Variants in PICALM observed in about 807,000 individuals in gnomAD.
PICALM encodes the protein phosphatidylinositol binding clathrin assembly protein, also known as phosphatidylinositol-binding clathrin assembly protein.
A neutral mutation model predicts 80.5 loss-of-function variants in PICALM; 40 were observed. The observed-to-expected ratio is 0.50, with a 90% CI of 0.39 to 0.65. The LOEUF is 0.65. Ranked by LOEUF, PICALM falls within the 30% of genes least tolerant of loss-of-function variation. The probability of loss-of-function intolerance (pLI) is 0.00; values close to 1 mark genes in which losing one functional copy is unlikely to be tolerated. For synonymous variants in PICALM, 288 were observed against 260.3 expected, an observed-to-expected ratio of 1.11 and a Z score of -1.02; for missense variants, 676 against 778.9, an observed-to-expected ratio of 0.87 and a Z score of 1.57.
At chr11:85,976,572 T>C (rs1160102965) in intron 18 of PICALM, 51 bp downstream of exon 18, 1 of 1,073,842 alleles carries the variant, frequency 9.3e-7, no homozygotes, top group South Asian at 1.3e-5. Context: ...AAAAACATGT[T>C]ATATATGAAT....
chr11:86,000,631 T>C lies in PICALM; in HGVS notation c.1154+12A>G. 6.2e-7 allele frequency: 1 copy of C among 1,608,316 alleles called. No individual in the cohort carries two copies. The highest frequency in any genetic ancestry group is 1.1e-5 in the South Asian group (1 of 90,298). ...CTACATATTCAAAGGTAACCTTAAC[T>C]TCTACTCCTACCTGTTAGAAGAACT... On this transcript the variant is annotated intron_variant, in intron 11 of 19. Coordinates refer to ENST00000393346, the MANE Select transcript of PICALM (RefSeq NM_007166.4).
chr11:86,053,291 G>A (rs970116909), intron 1 of PICALM, among the ~76,000 whole-genome samples: 5 of 152,146 alleles, frequency 3.3e-5, no homozygotes, highest in Non-Finnish European at 5.9e-5. Flanking sequence ...AATCACAAGC[G>A]GCAAGCTGCT....
At chr11:86,060,372 T>C (rs536970323) in intron 1 of PICALM, among the ~76,000 whole-genome samples, 1 of 152,282 alleles carries the variant, frequency 6.6e-6, no homozygotes, top group African/African-American at 2.4e-5. Flanking sequence ...AACCCCACAA[T>C]TTAGAAGAGT....
At chr11:85,980,461 A>G (rs552223502) in intron 17 of PICALM, among the ~76,000 whole-genome samples, 2 of 152,310 alleles carry the variant, frequency 1.3e-5, no homozygotes, top group Admixed American at 1.3e-4. Flanking sequence ...ATATATGCAT[A>G]TATTTCCCCC....
At chr11:86,036,378 G>A (rs1178319035) in intron 1 of PICALM, among the ~76,000 whole-genome samples, 1 of 152,122 alleles carries the variant, frequency 6.6e-6, no homozygotes, top group African/African-American at 2.4e-5. Context: ...TAAAGTTCAT[G>A]GGGTCTTCTG....
At chr11:86,064,662 A>G (rs1764773862) in intron 1 of PICALM, among the ~76,000 whole-genome samples, 1 of 151,828 alleles carries the variant, frequency 6.6e-6, no homozygotes, top group Non-Finnish European at 1.5e-5. Context: ...AAAAAAAAAA[A>G]AAAAAAAGGA....
At chr11:86,011,158 T>TTA (rs775387900) in intron 6 of PICALM, 22 bp from the exon 7 acceptor site, 1 of 1,063,200 alleles carries the variant, frequency 9.4e-7, no homozygotes, top group South Asian at 1.4e-5. Flanking sequence ...AATGTAAAAA[T>TTA]TCTTTTGTTC....
chr11:86,040,952 G>C (rs958849574), intron 1 of PICALM, among the ~76,000 whole-genome samples: 4 of 152,110 alleles, frequency 2.6e-5, no homozygotes, highest in African/African-American at 9.7e-5. Flanking sequence ...ATACATTATG[G>C]TGATTGTAAT....
intron 1 of PICALM, among the ~76,000 whole-genome samples, chr11:86,067,406 C>T (rs965153823): frequency 1.3e-5 from 2 of 152,202 alleles, no homozygotes; most frequent in Non-Finnish European, 1.5e-5. Flanking sequence ...CAGGTCTAAG[C>T]TCCATTGGCT....
chr11:85,997,033 G>GA, intron 11 of PICALM, 104 bp from the exon 12 acceptor site: 1 of 611,794 alleles, frequency 1.6e-6, no homozygotes, highest in Admixed American at 3.2e-5. Flanking sequence ...AAACAAGGGA[G>GA]AAAAGTCTCA....
Position 85,965,813 on chromosome 11 carries a change from T to G in PICALM, c.1945-6753A>C, listed in dbSNP as rs868585439. 9.9e-3 allele frequency among the ~76,000 whole-genome samples: 825 copies of G among 83,568 alleles called. 11 individuals carry two copies. The highest frequency in any genetic ancestry group is 0.013 in the Admixed American group (95 of 7,338). The allele number at this position is 83,568 out of a possible 152,430, so 54.8% of individuals were successfully genotyped here. On this transcript the variant is annotated intron_variant, in intron 19 of 19. Coordinates refer to ENST00000393346, the MANE Select transcript of PICALM (RefSeq NM_007166.4). ...TGAATGCATTACCCATTTTGTTTTT[T>G]TGTTTTTTTTTTTTTTTTTTTTTTT...
At chr11:85,985,034 C>T (rs549696237) in intron 13 of PICALM, among the ~76,000 whole-genome samples, 2 of 152,140 alleles carry the variant, frequency 1.3e-5, no homozygotes, top group African/African-American at 4.8e-5. Flanking sequence ...TCTACTAAGT[C>T]AGAATATAAA....
intron 16 of PICALM, 34 bp from the exon 17 acceptor site, chr11:85,981,262 C>T: frequency 8.6e-7 from 1 of 1,163,220 alleles, no homozygotes; most frequent in South Asian, 1.2e-5. Flanking sequence ...TATTAAATGT[C>T]TCTAATTATA....
At chr11:85,985,534 G>T (rs1362434768) in intron 13 of PICALM, among the ~76,000 whole-genome samples, 2 of 152,104 alleles carry the variant, frequency 1.3e-5, no homozygotes, top group East Asian at 3.8e-4. Flanking sequence ...ATCAAAATAC[G>T]AAATAATTTA....
intron 19 of PICALM, among the ~76,000 whole-genome samples, chr11:85,965,819 T>TTG (rs2093870206): frequency 9.7e-6 from 1 of 102,762 alleles, no homozygotes; most frequent in African/African-American, 3.7e-5. Context: ...TTTTTTGTTT[T>TTG]TTTTTTTTTT....
At chr11:86,055,944 TGG>T (rs1205000231) in intron 1 of PICALM, among the ~76,000 whole-genome samples, 1 of 151,644 alleles carries the variant, frequency 6.6e-6, no homozygotes, top group African/African-American at 2.4e-5. Flanking sequence ...AAGACCAGCC[TGG>T]CCAACATGGA....
chr11:86,019,500 A>G (rs1337239323), intron 4 of PICALM, among the ~76,000 whole-genome samples: 1 of 152,248 alleles, frequency 6.6e-6, no homozygotes, highest in African/African-American at 2.4e-5. Flanking sequence ...AAATTAGAAC[A>G]AAAGTTACCA....
intron 17 of PICALM, among the ~76,000 whole-genome samples, chr11:85,977,643 T>TA (rs1379941890): frequency 6.6e-6 from 1 of 152,228 alleles, no homozygotes; most frequent in African/African-American, 2.4e-5. Context: ...GGTGAGCGTG[T>TA]AGGACTTATT....
chr11:86,055,405 T>C (rs1020380621), intron 1 of PICALM, among the ~76,000 whole-genome samples: 12 of 152,120 alleles, frequency 7.9e-5, no homozygotes, highest in Admixed American at 2.0e-4. Context: ...TTGATAGTCA[T>C]GCAACTATTT....
Sources: allele counts gnomAD v4.1 joint callset (sites outside exome capture counted in the v4.1 genomes callset), GRCh38; gene constraint gnomAD v4.1.1; transcripts MANE v1.5; gene names NCBI Gene and HGNC (gene_info 2026-07-23, HGNC 2026-07-21).